Variants in SPATS2 observed in about 807,000 individuals in gnomAD.
The protein encoded by SPATS2 is spermatogenesis associated serine rich 2, also known as spermatogenesis-associated serine-rich protein 2.
A neutral mutation model predicts 63.7 loss-of-function variants in SPATS2; 38 were observed. The ratio of observed to expected loss-of-function variants is 0.60; its 90% confidence interval spans 0.46 to 0.78. The LOEUF (loss-of-function observed/expected upper bound fraction) is 0.78, where lower values mean the gene tolerates loss of function less well. SPATS2 is among the 30% of genes least tolerant of loss of function. The pLI is 0.00. For missense variants in SPATS2, 588 were observed against 666.2 expected (o/e 0.88, Z 1.29); for synonymous variants, 207 against 232.9 (o/e 0.89, Z 1.01).
At chr12:49,458,334 G>A (rs915639005) in intron 2 of SPATS2, among the ~76,000 whole-genome samples, 1 of 151,776 alleles carries the variant, frequency 6.6e-6, no homozygotes, top group Admixed American at 6.6e-5. Context: ...CGGGTGTGGT[G>A]GCAGGTGCCT....
At chr12:49,397,833 TAA>T (rs989085737) in intron 2 of SPATS2, among the ~76,000 whole-genome samples, 47 of 82,328 alleles carry the variant, frequency 5.7e-4, no homozygotes, top group African/African-American at 1.4e-3. Flanking sequence ...CTTAGCTCTT[TAA>T]AAAAAAAAAA....
intron 2 of SPATS2, among the ~76,000 whole-genome samples, chr12:49,436,738 C>A: frequency 6.8e-6 from 1 of 146,172 alleles, no homozygotes; most frequent in Admixed American, 6.7e-5. Flanking sequence ...GGGGGGCTGA[C>A]CCCCCCACAT....
intron 2 of SPATS2, among the ~76,000 whole-genome samples, chr12:49,405,377 T>C (rs2137322044): frequency 6.6e-6 from 1 of 152,244 alleles, no homozygotes; most frequent in East Asian, 1.9e-4. Context: ...TATAATTAAT[T>C]GTTCATATGT....
intron 2 of SPATS2, among the ~76,000 whole-genome samples, chr12:49,423,786 GT>G (rs1050690157): frequency 6.6e-6 from 1 of 152,072 alleles, no homozygotes; most frequent in Non-Finnish European, 1.5e-5. Context: ...GAATTTTATT[GT>G]TTTTTTCTGA....
intron 2 of SPATS2, among the ~76,000 whole-genome samples, chr12:49,440,532 G>T (rs545286240): frequency 6.7e-6 from 1 of 150,330 alleles, no homozygotes; most frequent in Admixed American, 6.7e-5. Flanking sequence ...GCAGTGGTGC[G>T]ATCTTGGCTC....
chr12:49,374,958 C>CAAAAAAAA lies in SPATS2; in HGVS notation c.-244+3688_-244+3695dup, dbSNP rs10687716. 2.8e-4 allele frequency among the ~76,000 whole-genome samples: 7 copies of CAAAAAAAA among 24,736 alleles called. 3 individuals carry two copies. Among genetic ancestry groups the CAAAAAAAA allele is most frequent in the African/African-American group, 9.2e-4 (7 of 7,628 alleles). 16.2% of individuals were successfully genotyped at this position (24,736 alleles called of 152,430 possible). ...CCTGGGAAACAGCGAGGATCTGTCT[C>CAAAAAAAA]AAAAAAAAAAAAAAAAAAAAAAAAA... is the stretch of plus-strand genomic sequence containing the variant. On this transcript the variant is annotated intron_variant, in intron 2 of 13. Coordinates refer to ENST00000552918, the MANE Select transcript of SPATS2 (RefSeq NM_023071.4).
intron 11 of SPATS2, among the ~76,000 whole-genome samples, chr12:49,521,178 T>C (rs1208243025): frequency 6.6e-6 from 1 of 152,226 alleles, no homozygotes; most frequent in African/African-American, 2.4e-5. Flanking sequence ...CTGTGCCCTT[T>C]ACCTCTTCTC....
chr12:49,380,715 AT>A (rs1391339289), intron 2 of SPATS2, among the ~76,000 whole-genome samples: 10 of 142,658 alleles, frequency 7.0e-5, no homozygotes, highest in Admixed American at 2.7e-4. Flanking sequence ...CAAAAAAAAA[AT>A]ATATATATAT....
chr12:49,467,215 A>AT (rs35462676), intron 3 of SPATS2, among the ~76,000 whole-genome samples: 38,376 of 119,782 alleles, frequency 0.32, 7,189 homozygotes, highest in East Asian at 0.81. Context: ...TGCCTGGCTA[A>AT]TTTTTTTTTT....
chr12:49,521,119 T>C (rs889761459), intron 11 of SPATS2, among the ~76,000 whole-genome samples: 7 of 152,220 alleles, frequency 4.6e-5, no homozygotes, highest in African/African-American at 1.7e-4. Flanking sequence ...TTCTAAATAA[T>C]TGCTTATAAA....
intron 2 of SPATS2, among the ~76,000 whole-genome samples, chr12:49,441,535 A>G (rs1373308235): frequency 6.6e-6 from 1 of 152,130 alleles, no homozygotes; most frequent in Non-Finnish European, 1.5e-5. Context: ...ACTTAACATC[A>G]ATCTGACTTT....
chr12:49,429,541 G>A (rs1277269584), intron 2 of SPATS2, among the ~76,000 whole-genome samples: 1 of 152,092 alleles, frequency 6.6e-6, no homozygotes, highest in Non-Finnish European at 1.5e-5. Flanking sequence ...TGCCTCTGGG[G>A]TTCAAGCGAT....
chr12:49,383,892 C>T (rs1192329058), intron 2 of SPATS2, among the ~76,000 whole-genome samples: 1 of 152,056 alleles, frequency 6.6e-6, no homozygotes, highest in African/African-American at 2.4e-5. Flanking sequence ...AAAGGTTGTG[C>T]TCTTCTAAAC....
intron 9 of SPATS2, among the ~76,000 whole-genome samples, chr12:49,501,570 G>C (rs1024497322): frequency 9.2e-5 from 14 of 152,146 alleles, no homozygotes; most frequent in Admixed American, 6.6e-4. Context: ...CACTGAAGCT[G>C]TTTTAACTGT....
chr12:49,418,568 T>C (rs1019651300), intron 2 of SPATS2, among the ~76,000 whole-genome samples: 1 of 152,158 alleles, frequency 6.6e-6, no homozygotes, highest in African/African-American at 2.4e-5. Context: ...CCAAAAGTGC[T>C]GGGATTGCAG....
chr12:49,526,346 A>G lies in SPATS2; in HGVS notation c.*91A>G. 1 of 1,428,808 alleles carries G rather than the reference A, an allele frequency of 7.0e-7. No homozygotes were observed. 88.5% of individuals were successfully genotyped at this position (1,428,808 alleles called of 1,614,324 possible). On this transcript the variant is annotated 3_prime_UTR_variant, in exon 14 of 14. Transcript: ENST00000552918. ...ACTTACAGTTAGATGTAATAACAAA[A>G]AGAAGTTTATGCGTATCACTTTTTG...
chr12:49,468,073 T>C (rs112757914), intron 3 of SPATS2, among the ~76,000 whole-genome samples: 1 of 151,798 alleles, frequency 6.6e-6, no homozygotes, highest in African/African-American at 2.4e-5. Context: ...TCTCTTTTCT[T>C]TTCTCTCTTC....
At chr12:49,475,466 A>C (rs975932790) in intron 3 of SPATS2, among the ~76,000 whole-genome samples, 2 of 151,962 alleles carry the variant, frequency 1.3e-5, no homozygotes, top group Non-Finnish European at 2.9e-5. Context: ...TTTGAGACGG[A>C]GTCTTGCTCT....
intron 2 of SPATS2, among the ~76,000 whole-genome samples, chr12:49,437,936 TC>T (rs1945346427): frequency 6.6e-6 from 1 of 152,216 alleles, no homozygotes; most frequent in African/African-American, 2.4e-5. Context: ...TGAAGTTTTT[TC>T]CCTAGATTTT....
Sources: gnomAD v4.1 joint callset for allele counts (sites outside exome capture counted in the v4.1 genomes callset) on GRCh38, gnomAD v4.1.1 for gene constraint, MANE v1.5 for transcripts, NCBI Gene and HGNC (gene_info 2026-07-23, HGNC 2026-07-21) for gene names.